ANKS1A: variants seen among roughly 807,000 people sequenced by gnomAD.
ANKS1A encodes the protein ankyrin repeat and sterile alpha motif domain containing 1A.
A neutral mutation model predicts 120.3 loss-of-function variants in ANKS1A; 55 were observed. The observed-to-expected ratio is 0.46, with a 90% CI of 0.37 to 0.57. The LOEUF is 0.57. Ranked by LOEUF, ANKS1A falls within the 20% of genes least tolerant of loss-of-function variation. The pLI, the probability that ANKS1A is intolerant of heterozygous loss-of-function variation, is 0.00. For missense variants in ANKS1A, 1,123 were observed against 1,480.3 expected, an observed-to-expected ratio of 0.76 and a Z score of 3.96; for synonymous variants, 590 against 604.7, an observed-to-expected ratio of 0.98 and a Z score of 0.36.
intron 10 of ANKS1A, among the ~76,000 whole-genome samples, chr6:34,997,816 TG>T (rs1772936132): frequency 6.6e-6 from 1 of 152,198 alleles, no homozygotes; most frequent in African/African-American, 2.4e-5. Flanking sequence ...AGCTACCAAG[TG>T]TGCCTGAAAG....
At chr6:34,913,194 C>T (rs1167703657) in intron 1 of ANKS1A, among the ~76,000 whole-genome samples, 1 of 152,154 alleles carries the variant, frequency 6.6e-6, no homozygotes, top group African/African-American at 2.4e-5. Context: ...TTCATGTACC[C>T]CCCAATATAA....
At chr6:34,919,381 T>C (rs982854017) in intron 1 of ANKS1A, among the ~76,000 whole-genome samples, 1 of 152,222 alleles carries the variant, frequency 6.6e-6, no homozygotes, top group Non-Finnish European at 1.5e-5. Context: ...GGCTCACTTC[T>C]CTTCCCACAC....
chr6:34,931,290 G>A (rs1341863960), intron 1 of ANKS1A, among the ~76,000 whole-genome samples: 1 of 151,912 alleles, frequency 6.6e-6, no homozygotes, highest in East Asian at 1.9e-4. Flanking sequence ...GGAATTATAG[G>A]CACTCACCAC....
At chr6:35,075,051 C>T (rs1398570111) in intron 13 of ANKS1A, among the ~76,000 whole-genome samples, 3 of 152,196 alleles carry the variant, frequency 2.0e-5, no homozygotes, top group Non-Finnish European at 1.5e-5. Context: ...ACCATAGAGG[C>T]CATTCCAGAT....
At chr6:35,012,946 C>T (rs1025485468) in intron 10 of ANKS1A, among the ~76,000 whole-genome samples, 3 of 152,098 alleles carry the variant, frequency 2.0e-5, no homozygotes, top group Non-Finnish European at 2.9e-5. Flanking sequence ...AGGAGAAAGG[C>T]CTAAGGGTCT....
intron 1 of ANKS1A, among the ~76,000 whole-genome samples, chr6:34,920,566 A>T (rs1768384381): frequency 6.6e-6 from 1 of 152,164 alleles, no homozygotes. Flanking sequence ...GGTGTTTGGA[A>T]TGAAGAATGC....
chr6:34,987,632 G>A (rs941585669), intron 8 of ANKS1A, among the ~76,000 whole-genome samples: 1 of 152,206 alleles, frequency 6.6e-6, no homozygotes, highest in African/African-American at 2.4e-5. Context: ...TTGCCATTGG[G>A]CATCCATCTG....
At chr6:34,951,087 A>G (rs1233481275) in intron 1 of ANKS1A, among the ~76,000 whole-genome samples, 1 of 152,172 alleles carries the variant, frequency 6.6e-6, no homozygotes, top group Non-Finnish European at 1.5e-5. Context: ...AAATGAGATC[A>G]TACTGTACTT....
chr6:34,954,183 G>A (rs980228579), intron 1 of ANKS1A, among the ~76,000 whole-genome samples: 1 of 152,168 alleles, frequency 6.6e-6, no homozygotes, highest in Non-Finnish European at 1.5e-5. Flanking sequence ...ATTTCACACT[G>A]TACTCATTCA....
At chr6:34,983,502 A>T in intron 7 of ANKS1A, 77 bp downstream of exon 7, 1 of 1,210,424 alleles carries the variant, frequency 8.3e-7, no homozygotes, top group Non-Finnish European at 1.2e-6. Flanking sequence ...GAATGGAAAA[A>T]TCTTAATTTA....
In ANKS1A at chr6:35,088,456, G is replaced by A. The variant is rs147264612; in HGVS notation, c.3402-150G>A. ...GAGCCAGAGGCAGTGGGGGCTGCAG[G>A]CTGTGGGTGCTCAAAGCAGGCATGG... On this transcript the variant is annotated intron_variant, in intron 23 of 23. Coordinates refer to ENST00000360359, the MANE Select transcript of ANKS1A (RefSeq NM_015245.3). The A allele has an allele frequency of 3.1e-4, 303 of 981,154 alleles. 1 individual carries two copies. In the African/African-American group the frequency reaches 4.0e-3, roughly 13 times the overall value. 60.8% of individuals were successfully genotyped at this position (981,154 alleles called of 1,614,324 possible). A position where few individuals can be genotyped will look rare whatever the true frequency, so the allele number is the denominator to read the frequency against.
intron 11 of ANKS1A, among the ~76,000 whole-genome samples, chr6:35,020,790 A>G (rs1320312849): frequency 6.6e-6 from 1 of 152,168 alleles, no homozygotes. Context: ...TCATTTGCTG[A>G]TATCACCTGT....
intron 13 of ANKS1A, 48 bp from the exon 14 acceptor site, chr6:35,078,510 C>A (rs1777484948): frequency 1.9e-6 from 3 of 1,572,002 alleles, no homozygotes; most frequent in Non-Finnish European, 2.6e-6. Flanking sequence ...TCAGGGCCAC[C>A]AGCCATCCAT....
At chr6:35,070,466 G>C (rs544117241) in intron 13 of ANKS1A, among the ~76,000 whole-genome samples, 1 of 149,578 alleles carries the variant, frequency 6.7e-6, no homozygotes, top group South Asian at 2.2e-4. Context: ...AGGAACCTTG[G>C]TCCCCACAAG....
At chr6:35,040,134 T>C (rs1447158899) in intron 11 of ANKS1A, among the ~76,000 whole-genome samples, 1 of 152,204 alleles carries the variant, frequency 6.6e-6, no homozygotes, top group Non-Finnish European at 1.5e-5. Flanking sequence ...ATAGAAGGTA[T>C]CTTCATCAAG....
chr6:34,997,097 C>T (rs915120091), intron 10 of ANKS1A, among the ~76,000 whole-genome samples: 1 of 151,800 alleles, frequency 6.6e-6, no homozygotes, highest in Non-Finnish European at 1.5e-5. Context: ...TTGATTTCTA[C>T]AAAAAGTCCT....
intron 20 of ANKS1A, among the ~76,000 whole-genome samples, chr6:35,083,798 T>A (rs1316534345): frequency 6.6e-6 from 1 of 152,146 alleles, no homozygotes; most frequent in Admixed American, 6.5e-5. Context: ...CAAAGGACTT[T>A]CTCTGTGTGC....
chr6:34,892,449 A>G (rs1017262807), intron 1 of ANKS1A, among the ~76,000 whole-genome samples: 1 of 152,084 alleles, frequency 6.6e-6, no homozygotes, highest in African/African-American at 2.4e-5. Context: ...ATTAGCGGCC[A>G]TATTCTACCC....
chr6:34,954,942 C>A (rs1029006955), intron 1 of ANKS1A, among the ~76,000 whole-genome samples: 2 of 151,886 alleles, frequency 1.3e-5, no homozygotes, highest in Non-Finnish European at 2.9e-5. Flanking sequence ...CTTACACTCT[C>A]TGTCCACTGC....
Sources: gnomAD v4.1 joint callset for allele counts (sites outside exome capture counted in the v4.1 genomes callset) on GRCh38, gnomAD v4.1.1 for gene constraint, MANE v1.5 for transcripts, NCBI Gene and HGNC (gene_info 2026-07-23, HGNC 2026-07-21) for gene names.